CNTLN: variants seen among roughly 807,000 people sequenced by gnomAD.
The protein encoded by CNTLN is centlein, also known as centlein, centrosomal protein.
Under a neutral mutation model 180.0 loss-of-function variants are expected in CNTLN, and 212 were observed. The observed-to-expected ratio is 1.18, with a 90% CI of 1.05 to 1.32. CNTLN has a LOEUF of 1.32. Ranked by LOEUF, CNTLN falls within the 40% of genes most tolerant of loss-of-function variation. The probability of loss-of-function intolerance (pLI) is 0.00; values close to 1 mark genes in which losing one functional copy is unlikely to be tolerated. For synonymous variants in CNTLN, 722 were observed against 563.1 expected (o/e 1.28, Z -3.99); for missense variants, 2,095 against 1,610.9 (o/e 1.30, Z -5.14).
chr9:17,440,316 G>A (rs1268294420), intron 18 of CNTLN, among the ~76,000 whole-genome samples: 1 of 151,570 alleles, frequency 6.6e-6, no homozygotes, highest in East Asian at 2.0e-4. Flanking sequence ...GCTCAAGCCT[G>A]TAATCCCAGC....
At chr9:17,504,786 G>A (rs1040138834), downstream of CNTLN, among the ~76,000 whole-genome samples, 28 of 152,152 alleles carry the variant, frequency 1.8e-4, no homozygotes, top group African/African-American at 6.8e-4. Flanking sequence ...ACCAGAAAAG[G>A]CAAGGAAACA....
At chr9:17,435,131 T>TA (rs1564103784) in intron 18 of CNTLN, among the ~76,000 whole-genome samples, 1 of 152,200 alleles carries the variant, frequency 6.6e-6, no homozygotes, top group East Asian at 1.9e-4. Context: ...TGTCTTTAAA[T>TA]AATCAATTAC....
At chr9:17,292,177 C>G (rs370224031) in intron 6 of CNTLN, among the ~76,000 whole-genome samples, 11 of 152,266 alleles carry the variant, frequency 7.2e-5, no homozygotes, top group African/African-American at 2.6e-4. Flanking sequence ...TGCTGTTAGT[C>G]TAATGGGTTT....
At chr9:17,314,782 A>G (rs892833159) in intron 8 of CNTLN, among the ~76,000 whole-genome samples, 4 of 152,168 alleles carry the variant, frequency 2.6e-5, no homozygotes, top group African/African-American at 9.6e-5. Flanking sequence ...ACCTTCAGGT[A>G]GTTGTTTATA....
At chr9:17,229,081 C>A (rs1824653183) in intron 3 of CNTLN, among the ~76,000 whole-genome samples, 1 of 151,690 alleles carries the variant, frequency 6.6e-6, no homozygotes, top group Non-Finnish European at 1.5e-5. Flanking sequence ...ATTTTGAGAA[C>A]AAGATATTTA....
At chr9:17,355,548 GTT>G (rs1328866557) in intron 12 of CNTLN, among the ~76,000 whole-genome samples, 1 of 152,074 alleles carries the variant, frequency 6.6e-6, no homozygotes, top group African/African-American at 2.4e-5. Context: ...TTTTTCTGTA[GTT>G]GTTTAATAGT....
At chr9:17,211,331 G>A (rs569297588) in intron 2 of CNTLN, among the ~76,000 whole-genome samples, 1 of 152,062 alleles carries the variant, frequency 6.6e-6, no homozygotes, top group African/African-American at 2.4e-5. Context: ...CCCATTTCTT[G>A]TTTTTGTCAG....
chr9:17,264,718 A>T (rs1047793838), intron 5 of CNTLN, among the ~76,000 whole-genome samples: 182 of 152,150 alleles, frequency 1.2e-3, no homozygotes, highest in Middle Eastern at 0.01. Context: ...TATTTCATTG[A>T]GCAGTGGTTT....
At chr9:17,291,774 G>T (rs1829427813) in intron 6 of CNTLN, among the ~76,000 whole-genome samples, 1 of 152,118 alleles carries the variant, frequency 6.6e-6, no homozygotes, top group Non-Finnish European at 1.5e-5. Flanking sequence ...GCCATTCTGT[G>T]TCTTTTAATC....
At chr9:17,354,292 G>A (rs895102178) in intron 12 of CNTLN, among the ~76,000 whole-genome samples, 24 of 152,180 alleles carry the variant, frequency 1.6e-4, no homozygotes, top group African/African-American at 5.3e-4. Context: ...GCCCAGTCCC[G>A]TAGACCACCT....
chr9:17,385,263 G>T (rs1486191609), intron 13 of CNTLN, among the ~76,000 whole-genome samples: 1 of 152,178 alleles, frequency 6.6e-6, no homozygotes, highest in African/African-American at 2.4e-5. Context: ...CACAGAGTTT[G>T]TTATGGAGCT....
chr9:17,481,654 C>T (rs1290283282), intron 23 of CNTLN, among the ~76,000 whole-genome samples: 2 of 152,176 alleles, frequency 1.3e-5, no homozygotes, highest in South Asian at 2.1e-4. Flanking sequence ...ATCCTGGATG[C>T]CCCCCAACTG....
intron 2 of CNTLN, among the ~76,000 whole-genome samples, chr9:17,214,487 A>AT (rs558107939): frequency 7.7e-4 from 117 of 151,742 alleles, no homozygotes; most frequent in African/African-American, 2.7e-3. Context: ...TGCCCTTAAT[A>AT]TTTTTTCCGT....
chr9:17,204,259 G>A (rs925816089), intron 2 of CNTLN, among the ~76,000 whole-genome samples: 2 of 152,116 alleles, frequency 1.3e-5, no homozygotes, highest in African/African-American at 4.8e-5. Flanking sequence ...GGAATTTTCA[G>A]CATTTCTGCC....
chr9:17,206,145 T>G (rs766693557), intron 2 of CNTLN, among the ~76,000 whole-genome samples: 6 of 152,132 alleles, frequency 3.9e-5, no homozygotes, highest in Admixed American at 1.3e-4. Flanking sequence ...TGGAGAATCG[T>G]CCCTGCTAAC....
intron 19 of CNTLN, among the ~76,000 whole-genome samples, chr9:17,459,306 A>G (rs867269631): frequency 9.9e-5 from 15 of 151,870 alleles, no homozygotes; most frequent in Non-Finnish European, 1.6e-4. Flanking sequence ...TTTCCATGGT[A>G]TAAGTTTTTA....
chr9:17,373,107 A>G (rs541026123), intron 13 of CNTLN, among the ~76,000 whole-genome samples: 8 of 152,162 alleles, frequency 5.3e-5, no homozygotes, highest in South Asian at 2.1e-4. Context: ...CTGTTATTCA[A>G]CATAGTACTG....
In CNTLN at chr9:17,309,098, C is replaced by G; in HGVS notation, c.1187C>G (p.Ser396Ter). 6.3e-7 allele frequency: 1 copy of G among 1,596,304 alleles called. No individual in the cohort carries two copies. The highest frequency in any genetic ancestry group is 8.5e-7 in the Non-Finnish European group (1 of 1,174,366). ...CATATTTGTTTTGAAACCACAAAAT[C>G]AAATGAAGCTATGCTCCGGCAAAGT... ...ELHICFETTK[S>*]NEAMLRQSVT... Residue 396 changes from serine (S) to a stop codon, truncating the protein, a stop_gained, in exon 8 of 26, where the codon TCA (serine) becomes TGA (stop). Coordinates refer to ENST00000380647, the MANE Select transcript of CNTLN (RefSeq NM_017738.4). LOFTEE classifies it high-confidence loss of function.
Position 17,395,001 on chromosome 9 carries a change from C to T in CNTLN, c.2547C>T (p.Ser849=), listed in dbSNP as rs1826407495. 3.1e-6 allele frequency: 5 copies of T among 1,613,618 alleles called. No homozygotes were observed. The highest frequency in any genetic ancestry group is 3.4e-6 in the Non-Finnish European group (4 of 1,179,642). Residue 849 remains serine (S), a synonymous_variant, in exon 15 of 26, where the codon TCC becomes TCT. Coordinates refer to ENST00000380647, the MANE Select transcript of CNTLN (RefSeq NM_017738.4). ...VGRHHTVLNH[S]IKVMSNVFEN... Reference sequence around the variant, plus strand: ...GTCACCACACTGTTCTCAATCATTCCATCAAGGTTATGAGCAATGTGTTTG... The same window carrying T: ...GTCACCACACTGTTCTCAATCATTCTATCAAGGTTATGAGCAATGTGTTTG...
Sources: allele counts gnomAD v4.1 joint callset (sites outside exome capture counted in the v4.1 genomes callset), GRCh38; gene constraint gnomAD v4.1.1; transcripts MANE v1.5; gene names NCBI Gene and HGNC (gene_info 2026-07-23, HGNC 2026-07-21).